The following CNTLN variants were observed in gnomAD, a reference collection of about 807,000 sequenced individuals.
The protein encoded by CNTLN is centlein, centrosomal protein.
In CNTLN, 212 loss-of-function variants were observed where a neutral mutation model predicts 180.0. The ratio of observed to expected loss-of-function variants is 1.18; its 90% CI spans 1.05 to 1.32. The LOEUF (loss-of-function observed/expected upper bound fraction) is 1.32. CNTLN is among the 40% of genes most tolerant of loss of function. The probability of loss-of-function intolerance (pLI) is 0.00; values close to 1 mark genes in which losing one functional copy is unlikely to be tolerated. For missense variants in CNTLN, 2,095 were observed against 1,610.9 expected, an observed-to-expected ratio of 1.30 and a Z score of -5.14; for synonymous variants, 722 against 563.1, an observed-to-expected ratio of 1.28 and a Z score of -3.99.
chr9:17,358,701 A>G (rs1305227092), intron 12 of CNTLN, among the ~76,000 whole-genome samples: 1 of 152,180 alleles, frequency 6.6e-6, no homozygotes, highest in Non-Finnish European at 1.5e-5. Flanking sequence ...AAAAAGTAAT[A>G]ATTCTACTTC....
At chr9:17,400,373 G>A (rs370926397) in intron 15 of CNTLN, among the ~76,000 whole-genome samples, 1 of 152,038 alleles carries the variant, frequency 6.6e-6, no homozygotes. Context: ...TCCTGACCTC[G>A]TGATCTGCCT....
chr9:17,214,362 T>G (rs1267302365), intron 2 of CNTLN, among the ~76,000 whole-genome samples: 1 of 152,206 alleles, frequency 6.6e-6, no homozygotes, highest in Non-Finnish European at 1.5e-5. Flanking sequence ...TTATTTTCTT[T>G]AAGAATGTTG....
intron 16 of CNTLN, among the ~76,000 whole-genome samples, chr9:17,411,513 C>T (rs915580396): frequency 3.3e-5 from 5 of 152,176 alleles, no homozygotes; most frequent in East Asian, 1.9e-4. Flanking sequence ...ATGACCTCCT[C>T]CTGGGATCCC....
chr9:17,395,165 T>G, intron 15 of CNTLN, 96 bp downstream of exon 15: 1 of 1,458,690 alleles, frequency 6.9e-7, no homozygotes, highest in Non-Finnish European at 9.1e-7. Context: ...GTCGATTTGG[T>G]ATTCAGAAAA....
chr9:17,150,503 G>T (rs1237872368), intron 2 of CNTLN, among the ~76,000 whole-genome samples: 2 of 152,128 alleles, frequency 1.3e-5, no homozygotes, highest in African/African-American at 2.4e-5. Context: ...CTGTTCCATT[G>T]GTCTATATAT....
At chr9:17,236,625 G>A (rs745595406) in intron 5 of CNTLN, 37 bp downstream of exon 5, 2 of 1,519,068 alleles carry the variant, frequency 1.3e-6, no homozygotes, top group South Asian at 2.6e-5. Context: ...TCCTCTTTTG[G>A]ATCTAACTTT....
intron 16 of CNTLN, among the ~76,000 whole-genome samples, chr9:17,413,731 G>C (rs1223580228): frequency 1.3e-5 from 2 of 152,116 alleles, no homozygotes; most frequent in African/African-American, 4.8e-5. Flanking sequence ...CTGACCAAGG[G>C]ACAGGGAAAC....
chr9:17,140,035 T>G (rs1817977395), intron 1 of CNTLN, among the ~76,000 whole-genome samples: 1 of 152,180 alleles, frequency 6.6e-6, no homozygotes. Context: ...CATCTTTAAG[T>G]GCCTGAAGGA....
chr9:17,393,700 G>T (rs1826281783), intron 14 of CNTLN, among the ~76,000 whole-genome samples: 1 of 152,122 alleles, frequency 6.6e-6, no homozygotes. Context: ...ATAGTAAAAT[G>T]TACTTTACAA....
At chr9:17,181,019 T>G (rs1821092214) in intron 2 of CNTLN, among the ~76,000 whole-genome samples, 1 of 152,216 alleles carries the variant, frequency 6.6e-6, no homozygotes, top group Non-Finnish European at 1.5e-5. Context: ...ATGATATGAC[T>G]TGGTATAGAT....
Position 17,486,635 on chromosome 9 carries a change from A to G in CNTLN, c.4042-354A>G, listed in dbSNP as rs184695511. ...CAGATTTTGGAATATTAGGTTTTGT[A>G]TTATCTCATGAGAGTCACCTGTAAA... On this transcript the variant is annotated intron_variant, in intron 24 of 25. Transcript: ENST00000380647. Among the ~76,000 whole-genome samples, 649 of 152,140 alleles carry G rather than the reference A, an allele frequency of 4.3e-3. 4 individuals are homozygous for G. Among genetic ancestry groups the G allele is most frequent in the African/African-American group, 0.015 (610 of 41,530 alleles).
chr9:17,155,731 A>T (rs1819233279), intron 2 of CNTLN, among the ~76,000 whole-genome samples: 2 of 151,824 alleles, frequency 1.3e-5, no homozygotes, highest in South Asian at 4.1e-4. Flanking sequence ...GAGCCAGACC[A>T]CTTGGCTTCA....
At chr9:17,238,286 G>A (rs1284876162) in intron 5 of CNTLN, among the ~76,000 whole-genome samples, 1 of 152,060 alleles carries the variant, frequency 6.6e-6, no homozygotes, top group Admixed American at 6.6e-5. Context: ...ATGTTTAAAG[G>A]TTTTATATGA....
At chr9:17,515,622 A>G in the CNTLN span, among the ~76,000 whole-genome samples, 2 of 152,104 alleles carry the variant, frequency 1.3e-5, no homozygotes, top group Non-Finnish European at 2.9e-5. Flanking sequence ...TCTTAGCATC[A>G]TCCTGTCTCC....
rs531983055 is a variant in CNTLN, at chr9:17,480,499, C to T, written c.3856-3796C>T. 5.3e-5 allele frequency among the ~76,000 whole-genome samples: 8 copies of T among 152,218 alleles called. No homozygotes were observed. In the South Asian group the frequency reaches 1.5e-3, roughly 28 times the overall value. ...ATGAATCCTTAGGTGTATTTACTGT[C>T]CTGCAGTATATTTAGTATGTACTAT... is the stretch of plus-strand genomic sequence containing the variant. On this transcript the variant is annotated intron_variant, in intron 23 of 25. Coordinates refer to ENST00000380647, the MANE Select transcript of CNTLN (RefSeq NM_017738.4).
chr9:17,196,062 C>T (rs993988619), intron 2 of CNTLN, among the ~76,000 whole-genome samples: 10 of 152,092 alleles, frequency 6.6e-5, no homozygotes, highest in African/African-American at 2.4e-4. Context: ...CTTGCTCTGT[C>T]ACCCAGGCTG....
At chr9:17,296,561 A>T (rs1817955528) in intron 6 of CNTLN, among the ~76,000 whole-genome samples, 1 of 152,002 alleles carries the variant, frequency 6.6e-6, no homozygotes, top group African/African-American at 2.4e-5. Flanking sequence ...ACTGTGATGG[A>T]ATTTTCTCCT....
chr9:17,457,393 A>G (rs925998116), intron 18 of CNTLN, 131 bp from the exon 19 acceptor site: 79 of 515,108 alleles, frequency 1.5e-4, no homozygotes, highest in Admixed American at 2.2e-4. Flanking sequence ...TAAAGTTTGT[A>G]TAATAACTAT....
At position 17,387,285 on chromosome 9, in the gene CNTLN, AC is replaced by A. The variant is rs1825753354; in HGVS notation, c.1988-876del. ...TTTAAAGCAAAATAATCTCAGGCTAACACAGATATATATCCTTTTAGTTTTA... is the reference window on the plus strand; with the variant it reads ...TTTAAAGCAAAATAATCTCAGGCTAAACAGATATATATCCTTTTAGTTTTA... On this transcript the variant is annotated intron_variant, in intron 13 of 25. Coordinates refer to ENST00000380647, the MANE Select transcript of CNTLN (RefSeq NM_017738.4). 4.6e-5 allele frequency among the ~76,000 whole-genome samples: 7 copies of A among 152,188 alleles called. No individual in the cohort carries two copies. The South Asian group carries it at 1.4e-3, about 32-fold the overall frequency.
Sources: allele counts gnomAD v4.1 joint callset (sites outside exome capture counted in the v4.1 genomes callset), GRCh38; gene constraint gnomAD v4.1.1; transcripts MANE v1.5; gene names NCBI Gene and HGNC (gene_info 2026-07-23, HGNC 2026-07-21).